RIMS1: variants seen among roughly 807,000 people sequenced by gnomAD.
RIMS1 encodes the protein regulating synaptic membrane exocytosis protein 1.
RIMS1 carries 83 observed loss-of-function variants against 214.1 expected under a neutral mutation model. The ratio of observed to expected loss-of-function variants is 0.39; its 90% CI spans 0.32 to 0.47. The LOEUF is 0.47. Among genes scored for constraint, RIMS1 ranks in the 20% least tolerant of loss-of-function variants. The probability of loss-of-function intolerance (pLI) is 0.99; values close to 1 mark genes in which losing one functional copy is unlikely to be tolerated. For missense variants in RIMS1, 2,050 were observed against 2,161.8 expected (o/e 0.95, Z 1.03); for synonymous variants, 793 against 786.8 (o/e 1.01, Z -0.13).
intron 6 of RIMS1, among the ~76,000 whole-genome samples, chr6:72,205,288 C>G (rs2052705567): frequency 6.6e-6 from 1 of 152,062 alleles, no homozygotes; most frequent in Non-Finnish European, 1.5e-5. Flanking sequence ...AAAGCAACAT[C>G]AATAACATCA....
At chr6:72,154,199 A>G (rs1321101459) in intron 4 of RIMS1, among the ~76,000 whole-genome samples, 7 of 96,198 alleles carry the variant, frequency 7.3e-5, no homozygotes, top group African/African-American at 2.0e-4. Context: ...GGAAAAAGTT[A>G]TGTGTTTTAC....
chr6:71,908,238 C>A (rs1287882026), intron 1 of RIMS1, among the ~76,000 whole-genome samples: 1 of 152,160 alleles, frequency 6.6e-6, no homozygotes, highest in Admixed American at 6.6e-5. Context: ...TTTCTTTGCT[C>A]TCTCCTTCTT....
intron 22 of RIMS1, among the ~76,000 whole-genome samples, chr6:72,271,283 AAAAATATATAT>A (rs1448274555): frequency 0.02 from 1,537 of 76,588 alleles, 33 homozygotes; most frequent in East Asian, 0.16. Flanking sequence ...AAAAAAAAAA[AAAAATATATAT>A]ATATATATAT....
At chr6:72,298,136 G>A (rs2094283187) in intron 26 of RIMS1, among the ~76,000 whole-genome samples, 1 of 152,060 alleles carries the variant, frequency 6.6e-6, no homozygotes, top group South Asian at 2.1e-4. Context: ...AAGCAAACGA[G>A]GATGGTTGGT....
intron 2 of RIMS1, among the ~76,000 whole-genome samples, chr6:72,055,594 T>C (rs1444347775): frequency 6.6e-6 from 1 of 152,192 alleles, no homozygotes; most frequent in Admixed American, 6.5e-5. Flanking sequence ...TGGTGTTCAA[T>C]GGGATTGCCT....
chr6:72,360,229 G>A (rs1006440644), intron 29 of RIMS1, among the ~76,000 whole-genome samples: 1 of 152,152 alleles, frequency 6.6e-6, no homozygotes, highest in Non-Finnish European at 1.5e-5. Flanking sequence ...TCTAGCTTTT[G>A]TAGTATTTTG....
intron 6 of RIMS1, among the ~76,000 whole-genome samples, chr6:72,221,887 G>T (rs893976845): frequency 6.6e-6 from 1 of 151,786 alleles, no homozygotes; most frequent in Admixed American, 6.6e-5. Flanking sequence ...ATTTGGGTTG[G>T]TTTTTACGGA....
chr6:72,337,068 G>T (rs1416543), intron 29 of RIMS1, among the ~76,000 whole-genome samples: 2,243 of 151,768 alleles, frequency 0.015, 44 homozygotes, highest in African/African-American at 0.052. Flanking sequence ...TTAATTTTCA[G>T]CCCTTACTTT....
At chr6:71,967,020 T>C (rs1367006600) in intron 1 of RIMS1, among the ~76,000 whole-genome samples, 1 of 152,234 alleles carries the variant, frequency 6.6e-6, no homozygotes, top group African/African-American at 2.4e-5. Flanking sequence ...TTAAGATTTC[T>C]CATAGATTTA....
intron 29 of RIMS1, among the ~76,000 whole-genome samples, chr6:72,384,913 C>A (rs766222521): frequency 1.3e-5 from 2 of 152,110 alleles, no homozygotes; most frequent in Non-Finnish European, 2.9e-5. Context: ...GTGGATGTTT[C>A]TAAATATAAC....
At position 72,399,058 on chromosome 6, in the gene RIMS1, G is replaced by T; in HGVS notation, c.4824G>T (p.Leu1608=). Residue 1608 remains leucine, a synonymous_variant, in exon 33 of 34, where the codon CTG becomes CTT. Transcript: ENST00000521978. ...KTLDPLYQQS[L]VFDESPQGKV... ...TTGATCCTTTGTATCAGCAGTCTCT[G>T]GTTTTTGATGAAAGTCCACAGGGTA... 1 of 1,608,124 alleles carries T rather than the reference G, an allele frequency of 6.2e-7. No individual in the cohort carries two copies. The highest frequency in any genetic ancestry group is 8.5e-7 in the Non-Finnish European group (1 of 1,176,752).
chr6:72,316,086 A>G (rs915054229), intron 28 of RIMS1, among the ~76,000 whole-genome samples: 5 of 152,054 alleles, frequency 3.3e-5, no homozygotes, highest in African/African-American at 1.2e-4. Flanking sequence ...TCTTTTTAAA[A>G]CAAACAAAAC....
chr6:72,349,989 C>A (rs955563246), intron 29 of RIMS1, among the ~76,000 whole-genome samples: 2 of 151,942 alleles, frequency 1.3e-5, no homozygotes, highest in Non-Finnish European at 2.9e-5. Context: ...TTGTGAATAG[C>A]AAGGAAAATA....
chr6:72,337,680 G>A (rs921935047), intron 29 of RIMS1, among the ~76,000 whole-genome samples: 1 of 150,684 alleles, frequency 6.6e-6, no homozygotes, highest in Non-Finnish European at 1.5e-5. Context: ...ATGTTGGTGT[G>A]CTGCACCCAT....
rs1440228737 is a variant in RIMS1 at position 72,284,042 on chromosome 6, C to T, written c.3483-5C>T. On this transcript the variant is annotated splice_polypyrimidine_tract_variant and splice_region_variant and intron_variant, in intron 23 of 33. Coordinates refer to ENST00000521978, the MANE Select transcript of RIMS1 (RefSeq NM_014989.7). Reference sequence around the variant, plus strand: ...ATATTTTGTGTTTAACATTTCATTCCACAGGCACTCCAGAAAGTCTGAAAG... The same window carrying T: ...ATATTTTGTGTTTAACATTTCATTCTACAGGCACTCCAGAAAGTCTGAAAG... The T allele has an allele frequency of 6.2e-7, 1 of 1,610,202 alleles. No homozygotes were observed. The highest frequency in any genetic ancestry group is 1.7e-5 in the Admixed American group (1 of 59,982).
chr6:72,129,332 T>G (rs1356817241), intron 4 of RIMS1, among the ~76,000 whole-genome samples: 1 of 152,120 alleles, frequency 6.6e-6, no homozygotes, highest in African/African-American at 2.4e-5. Context: ...AATTAATAAT[T>G]TTCACTGGGT....
intron 4 of RIMS1, among the ~76,000 whole-genome samples, chr6:72,161,203 G>C (rs575179828): frequency 7.1e-6 from 1 of 140,738 alleles, no homozygotes; most frequent in Non-Finnish European, 1.6e-5. Context: ...TCTGATGGTA[G>C]TTTGTATTTC....
chr6:72,213,435 T>G (rs1190226368), intron 6 of RIMS1, among the ~76,000 whole-genome samples: 2 of 152,214 alleles, frequency 1.3e-5, no homozygotes, highest in Admixed American at 1.3e-4. Flanking sequence ...ATAATATAGC[T>G]CTAAAGATTT....
chr6:72,186,778 T>TCCCCC (rs763545207), intron 6 of RIMS1, among the ~76,000 whole-genome samples: 1 of 71,408 alleles, frequency 1.4e-5, no homozygotes, highest in African/African-American at 5.6e-5. Context: ...TGTATATATG[T>TCCCCC]ACCCCCCCCC....
Sources: allele counts gnomAD v4.1 joint callset (sites outside exome capture counted in the v4.1 genomes callset), GRCh38; gene constraint gnomAD v4.1.1; transcripts MANE v1.5; gene names NCBI Gene and HGNC (gene_info 2026-07-23, HGNC 2026-07-21).